GLRA2: variants seen among roughly 807,000 people sequenced by gnomAD.
GLRA2 encodes glycine receptor subunit alpha-2.
Under a neutral mutation model 31.6 loss-of-function variants are expected in GLRA2, and 11 were observed. The observed-to-expected ratio is 0.35, with a 90% CI of 0.22 to 0.58. GLRA2 has a LOEUF of 0.58. Ranked by LOEUF, GLRA2 falls within the 20% of genes least tolerant of loss-of-function variation. The pLI is 0.84. For missense variants in GLRA2, 212 were observed against 351.8 expected (o/e 0.60, Z 3.18); for synonymous variants, 132 against 134.0 (o/e 0.99, Z 0.10).
At chrX:14,493,816 C>A in the GLRA2 span, among the ~76,000 whole-genome samples, 2 of 101,830 alleles carry the variant, frequency 2.0e-5, no homozygotes, top group Non-Finnish European at 4.0e-5. Context: ...TGTTCTAGAA[C>A]CCCATCATTT....
chrX:14,598,146 G>A (rs976424466), intron 4 of GLRA2, among the ~76,000 whole-genome samples: 6 of 111,436 alleles, frequency 5.4e-5, no homozygotes, highest in Admixed American at 9.5e-5. Flanking sequence ...ATACCCCCAA[G>A]ACTCTCTTGT....
intron 7 of GLRA2, among the ~76,000 whole-genome samples, chrX:14,642,882 T>C (rs2147130157): frequency 9.0e-6 from 1 of 111,378 alleles, no homozygotes; most frequent in South Asian, 3.8e-4. Flanking sequence ...TAAGATATCA[T>C]GTCCATGATT....
chrX:14,453,154 A>C, the GLRA2 span, among the ~76,000 whole-genome samples: 1 of 112,083 alleles, frequency 8.9e-6, no homozygotes, highest in African/African-American at 3.2e-5. Flanking sequence ...ATATTTCCCA[A>C]AAAAGGGAAA....
intron 7 of GLRA2, 133 bp downstream of exon 7, chrX:14,609,338 G>T (rs2090373386): frequency 2.5e-6 from 1 of 404,132 alleles, no homozygotes. Context: ...AAGAGGACAA[G>T]AAGCTGAGTT....
chrX:14,702,730 C>G (rs1394416959), intron 8 of GLRA2, among the ~76,000 whole-genome samples: 1 of 110,980 alleles, frequency 9.0e-6, no homozygotes, highest in African/African-American at 3.3e-5. Context: ...AGGGTTGTCA[C>G]GGGGGTTCAA....
At chrX:14,712,473 A>G (rs765421144) in intron 8 of GLRA2, among the ~76,000 whole-genome samples, 5 of 110,620 alleles carry the variant, frequency 4.5e-5, no homozygotes, top group Admixed American at 1.9e-4. Context: ...TTTCTGTCCA[A>G]CGCTTGGTAC....
chrX:14,479,451 A>C, the GLRA2 span, among the ~76,000 whole-genome samples: 1 of 111,350 alleles, frequency 9.0e-6, no homozygotes, highest in Non-Finnish European at 1.9e-5. Context: ...GGTATGTTGC[A>C]TGATGCTGAG....
intron 8 of GLRA2, among the ~76,000 whole-genome samples, chrX:14,722,358 T>C (rs1260246749): frequency 9.0e-6 from 1 of 111,181 alleles, no homozygotes; most frequent in African/African-American, 3.3e-5. Flanking sequence ...CTTCATAGCA[T>C]GGTGGTCTCA....
Position 14,535,642 on chromosome X carries a change from A to G in GLRA2, c.202+3270A>G, listed in dbSNP as rs184582301. ...TTTAATGAAAATCCTCAATTCAGAT[A>G]AAAACACAAGCTATATCCATTCACA... On this transcript the variant is annotated intron_variant, in intron 2 of 8. Coordinates refer to ENST00000218075, the MANE Select transcript of GLRA2 (RefSeq NM_002063.4). Among the ~76,000 whole-genome samples, 25 of 112,569 alleles carry G rather than the reference A, an allele frequency of 2.2e-4. No homozygotes were observed. In the East Asian group the frequency reaches 6.7e-3, roughly 30 times the overall value.
chrX:14,517,745 A>G, the GLRA2 span, among the ~76,000 whole-genome samples: 1 of 111,575 alleles, frequency 9.0e-6, no homozygotes, highest in Non-Finnish European at 1.9e-5. Flanking sequence ...ATTGAAAAAT[A>G]TTTCTATTCT....
intron 4 of GLRA2, among the ~76,000 whole-genome samples, chrX:14,593,182 G>A (rs1450590448): frequency 9.0e-6 from 1 of 111,675 alleles, no homozygotes; most frequent in Non-Finnish European, 1.9e-5. Flanking sequence ...ATAATCCAAA[G>A]GAAAAGGTAC....
chrX:14,569,122 G>T (rs1446635370), intron 2 of GLRA2, among the ~76,000 whole-genome samples: 1 of 110,746 alleles, frequency 9.0e-6, no homozygotes, highest in Non-Finnish European at 1.9e-5. Flanking sequence ...AGGCATGATG[G>T]TGGGTGCCTG....
chrX:14,676,121 CAT>C (rs1419947836), intron 7 of GLRA2, among the ~76,000 whole-genome samples: 1 of 112,433 alleles, frequency 8.9e-6, no homozygotes, highest in African/African-American at 3.2e-5. Context: ...AGGTTAATTA[CAT>C]ATTTTCCACA....
chrX:14,574,393 C>T lies in GLRA2; in HGVS notation c.263C>T (p.Thr88Met), dbSNP rs1251759518. The change falls in exon 3 of 9, where the codon ACG (threonine) becomes ATG (methionine). Residue 88 changes from threonine to methionine, a missense_variant. By Grantham distance (81) the Thr-to-Met change is moderately conservative (BLOSUM62 -1). Transcript: ENST00000218075. ...AACAGTTTTGGATCAGTCACAGAAACGACCATGGTAAGTGCTGCAATGCCA... is the reference window on the plus strand; with the variant it reads ...AACAGTTTTGGATCAGTCACAGAAATGACCATGGTAAGTGCTGCAATGCCA... ...FINSFGSVTE[T>M]TMDYRVNIFL... 2 of 1,189,097 alleles carry T rather than the reference C, an allele frequency of 1.7e-6. No homozygotes were observed. The highest frequency in any genetic ancestry group is 1.7e-5 in the African/African-American group (1 of 57,548).
chrX:14,728,677 G>A (rs2091956003), intron 8 of GLRA2, among the ~76,000 whole-genome samples: 1 of 112,118 alleles, frequency 8.9e-6, no homozygotes, highest in African/African-American at 3.2e-5. Flanking sequence ...GGGCAATGTC[G>A]ATAAATCAAA....
the GLRA2 span, among the ~76,000 whole-genome samples, chrX:14,482,965 A>G: frequency 3.6e-5 from 4 of 111,672 alleles, no homozygotes; most frequent in Admixed American, 3.8e-4. Context: ...TATGCTGTCC[A>G]TCCAGTTATT....
chrX:14,509,640 G>A, the GLRA2 span, among the ~76,000 whole-genome samples: 5,115 of 111,842 alleles, frequency 0.046, 124 homozygotes, highest in Middle Eastern at 0.079. Context: ...TAGGGATGAA[G>A]GCGTAGGTTA....
chrX:14,568,791 T>C (rs1275227993), intron 2 of GLRA2, among the ~76,000 whole-genome samples: 1 of 110,273 alleles, frequency 9.1e-6, no homozygotes, highest in African/African-American at 3.3e-5. Flanking sequence ...TCATACCATA[T>C]ACAAAAATTA....
chrX:14,573,397 T>G (rs1438777316), intron 2 of GLRA2, among the ~76,000 whole-genome samples: 1 of 112,184 alleles, frequency 8.9e-6, no homozygotes, highest in African/African-American at 3.2e-5. Context: ...CTAGGGTGTT[T>G]CTTGCACTGG....
Sources: gnomAD v4.1 joint callset for allele counts (sites outside exome capture counted in the v4.1 genomes callset) on GRCh38, gnomAD v4.1.1 for gene constraint, MANE v1.5 for transcripts, NCBI Gene and HGNC (gene_info 2026-07-23, HGNC 2026-07-21) for gene names.